The following CHODL variants were observed in gnomAD, a reference collection of about 807,000 sequenced individuals.
CHODL encodes chondrolectin, also known as transmembrane protein MT75.
A neutral mutation model predicts 34.5 loss-of-function variants in CHODL; 29 were observed. The observed-to-expected ratio is 0.84, with a 90% CI of 0.63 to 1.15. CHODL has a LOEUF of 1.15. Ranked by LOEUF, CHODL falls within the 50% of genes most tolerant of loss-of-function variation. The pLI is 0.00. For synonymous variants in CHODL, 125 were observed against 116.1 expected, an observed-to-expected ratio of 1.08 and a Z score of -0.49; for missense variants, 332 against 332.5, an observed-to-expected ratio of 1.00 and a Z score of 0.01.
intron 2 of CHODL, among the ~76,000 whole-genome samples, chr21:18,102,501 A>C (rs115014835): frequency 0.011 from 1,650 of 152,214 alleles, 34 homozygotes; most frequent in African/African-American, 0.038. Flanking sequence ...ATGTCAGTGA[A>C]AGCCTGCTTT....
At chr21:17,986,863 A>T (rs539958535) in intron 1 of CHODL, among the ~76,000 whole-genome samples, 2 of 152,152 alleles carry the variant, frequency 1.3e-5, no homozygotes, top group African/African-American at 2.4e-5. Flanking sequence ...TAAGGGCAAG[A>T]CCTTAGCATT....
intron 2 of CHODL, among the ~76,000 whole-genome samples, chr21:18,171,841 G>T (rs1190953320): frequency 6.6e-6 from 1 of 151,686 alleles, no homozygotes; most frequent in Non-Finnish European, 1.5e-5. Context: ...TAGCTTACTG[G>T]CCAGCTAATG....
At chr21:18,201,870 T>C (rs2073657118) in intron 2 of CHODL, among the ~76,000 whole-genome samples, 1 of 148,376 alleles carries the variant, frequency 6.7e-6, no homozygotes, top group South Asian at 2.2e-4. Context: ...AGTGGCGCGA[T>C]CTCGGCTCAC....
chr21:18,179,242 C>G (rs2073353004), intron 2 of CHODL, among the ~76,000 whole-genome samples: 1 of 152,144 alleles, frequency 6.6e-6, no homozygotes, highest in African/African-American at 2.4e-5. Context: ...ATTTGTTCCA[C>G]TTGCCCTTTG....
In CHODL at chr21:17,971,741, C is replaced by T. The variant is rs151189415; in HGVS notation, c.-145+54341C>T. Among the ~76,000 whole-genome samples, 12 of 152,256 alleles carry T rather than the reference C, an allele frequency of 7.9e-5. No individual in the cohort carries two copies. In the East Asian group the frequency reaches 2.1e-3, roughly 27 times the overall value. On this transcript the variant is annotated intron_variant, in intron 1 of 6. Coordinates refer to the CHODL transcript ENST00000400127. ...CCAGAGGTACAGAGAGGAGCTGGTA[C>T]CATTCCTTCTGAAATGGTTCCAAAC... is the stretch of plus-strand genomic sequence containing the variant.
intron 1 of CHODL, among the ~76,000 whole-genome samples, chr21:17,994,973 G>A (rs966604516): frequency 1.3e-5 from 2 of 152,134 alleles, no homozygotes; most frequent in Non-Finnish European, 2.9e-5. Flanking sequence ...CTTTGTTTGT[G>A]GGGCAACCTC....
chr21:18,031,544 G>A (rs962146831), intron 2 of CHODL, among the ~76,000 whole-genome samples: 3 of 152,000 alleles, frequency 2.0e-5, no homozygotes, highest in Non-Finnish European at 4.4e-5. Flanking sequence ...ATTTTTTTGG[G>A]GGGGAGAAAA....
At chr21:18,093,198 G>A (rs185914) in intron 2 of CHODL, among the ~76,000 whole-genome samples, 54,509 of 151,878 alleles carry the variant, frequency 0.36, 12,161 homozygotes, top group Non-Finnish European at 0.51. Flanking sequence ...TTAAAGTTAT[G>A]AAAGAAAAAA....
chr21:17,976,576 A>T (rs891961303), intron 1 of CHODL, among the ~76,000 whole-genome samples: 2 of 152,204 alleles, frequency 1.3e-5, no homozygotes, highest in African/African-American at 4.8e-5. Flanking sequence ...ATTATTGGTA[A>T]TTATTTTCTA....
chr21:18,173,405 GT>G (rs2073255312), intron 2 of CHODL, among the ~76,000 whole-genome samples: 1 of 152,054 alleles, frequency 6.6e-6, no homozygotes, highest in South Asian at 2.1e-4. Flanking sequence ...ATTATAAGAA[GT>G]TTTTATTTTG....
At chr21:18,260,121 A>G (rs1295678306) in intron 3 of CHODL, 79 bp from the exon 4 acceptor site, 3 of 496,338 alleles carry the variant, frequency 6.0e-6, no homozygotes, top group Non-Finnish European at 9.3e-6. Context: ...TTTATTTTAT[A>G]ATATAATTTC....
At chr21:17,924,174 G>A (rs891882915) in intron 1 of CHODL, among the ~76,000 whole-genome samples, 2 of 152,200 alleles carry the variant, frequency 1.3e-5, no homozygotes, top group African/African-American at 4.8e-5. Context: ...ACACAAGGGG[G>A]AGAATAAAAG....
chr21:17,946,063 A>T (rs890039799), intron 1 of CHODL, among the ~76,000 whole-genome samples: 8 of 151,482 alleles, frequency 5.3e-5, no homozygotes, highest in African/African-American at 1.9e-4. Flanking sequence ...GTTCATCTTA[A>T]AAAAAAAACC....
intron 2 of CHODL, among the ~76,000 whole-genome samples, chr21:18,041,961 A>G (rs1044865759): frequency 6.6e-6 from 1 of 151,908 alleles, no homozygotes; most frequent in African/African-American, 2.4e-5. Flanking sequence ...GAAGCTGAAT[A>G]TATTTTTTTT....
intron 1 of CHODL, among the ~76,000 whole-genome samples, chr21:17,941,873 T>C (rs1013542844): frequency 2.0e-5 from 3 of 152,148 alleles, no homozygotes; most frequent in African/African-American, 7.2e-5. Flanking sequence ...GGTCATAGAC[T>C]GCTGACTTCT....
chr21:18,236,453 A>T (rs1382905421), intron 2 of CHODL, among the ~76,000 whole-genome samples: 1 of 152,082 alleles, frequency 6.6e-6, no homozygotes, highest in Non-Finnish European at 1.5e-5. Context: ...TTATCTCAGG[A>T]TATTATAGCT....
intron 3 of CHODL, among the ~76,000 whole-genome samples, chr21:18,257,550 C>A (rs2074332477): frequency 6.6e-6 from 1 of 152,170 alleles, no homozygotes; most frequent in East Asian, 1.9e-4. Flanking sequence ...AAAGCACTTT[C>A]TCCTGGATCA....
intron 1 of CHODL, among the ~76,000 whole-genome samples, chr21:18,020,376 T>C (rs1282178265): frequency 6.6e-6 from 1 of 152,134 alleles, no homozygotes; most frequent in Non-Finnish European, 1.5e-5. Context: ...TGCAAGCACA[T>C]GTCAAATTAT....
chr21:18,118,277 G>A (rs1434582001), intron 2 of CHODL, among the ~76,000 whole-genome samples: 5 of 152,098 alleles, frequency 3.3e-5, no homozygotes, highest in Non-Finnish European at 5.9e-5. Flanking sequence ...ATGCAAAAAT[G>A]AGACAAGAAT....
Sources: allele counts gnomAD v4.1 joint callset (sites outside exome capture counted in the v4.1 genomes callset), GRCh38; gene constraint gnomAD v4.1.1; transcripts MANE v1.5; gene names NCBI Gene and HGNC (gene_info 2026-07-23, HGNC 2026-07-21).